Variants in PLCG2 observed in about 807,000 individuals in gnomAD.
PLCG2 encodes phospholipase C gamma 2.
Under a neutral mutation model 175.6 loss-of-function variants are expected in PLCG2, and 69 were observed. That is an observed-to-expected ratio of 0.39 (90% CI 0.32 to 0.48). The LOEUF (loss-of-function observed/expected upper bound fraction) is 0.48, where lower values mean the gene tolerates loss of function less well. Among genes scored for constraint, PLCG2 ranks in the 20% least tolerant of loss-of-function variants. The probability of loss-of-function intolerance (pLI) is 0.91; values close to 1 mark genes in which losing one functional copy is unlikely to be tolerated. For missense variants in PLCG2, 1,798 were observed against 1,650.9 expected (o/e 1.09, Z -1.54); for synonymous variants, 827 against 624.0 (o/e 1.33, Z -4.85).
chr16:81,817,472 C>T (rs186014645), intron 2 of PLCG2, among the ~76,000 whole-genome samples: 5 of 152,286 alleles, frequency 3.3e-5, no homozygotes, highest in African/African-American at 4.8e-5. Flanking sequence ...AGGGGTGCTG[C>T]GCAAGGCACT....
chr16:81,855,346 C>G (rs763557406), intron 3 of PLCG2, among the ~76,000 whole-genome samples: 17 of 152,128 alleles, frequency 1.1e-4, no homozygotes, highest in Non-Finnish European at 2.2e-4. Flanking sequence ...GGGGCAGAAG[C>G]TTGTATCTAC....
intron 30 of PLCG2, among the ~76,000 whole-genome samples, chr16:81,943,999 C>T (rs940756750): frequency 6.6e-6 from 1 of 152,068 alleles, no homozygotes; most frequent in Non-Finnish European, 1.5e-5. Flanking sequence ...CAAAAGAGGA[C>T]AAATTTAGCC....
Position 81,900,678 on chromosome 16 carries a change from C to A in PLCG2, c.1260C>A (p.Ala420=). The A allele has an allele frequency of 6.2e-7, 1 of 1,613,268 alleles. No homozygotes were observed. Among genetic ancestry groups the A allele is most frequent in the South Asian group, 1.1e-5 (1 of 91,068 alleles). ...AGCAACAGCGTCACATGGCCAAGGC[C>A]TTCAAGGAAGTATTTGGCGACCTGC... is the stretch of plus-strand genomic sequence containing the variant. ...SVEQQRHMAK[A]FKEVFGDLLL... Residue 420 remains alanine, a synonymous_variant, in exon 14 of 33, where the codon GCC becomes GCA. Coordinates refer to ENST00000564138, the MANE Select transcript of PLCG2 (RefSeq NM_002661.5).
intron 29 of PLCG2, among the ~76,000 whole-genome samples, chr16:81,939,256 C>A (rs912887242): frequency 2.0e-5 from 3 of 152,136 alleles, no homozygotes; most frequent in Admixed American, 6.5e-5. Context: ...GGGGGTGAAC[C>A]TACGTGGCTG....
rs1911642195 is a variant in PLCG2 at position 81,957,959 on chromosome 16, A to G, written c.3759A>G (p.Leu1253=). ...GGTGAAATCTGTTTTATTTCAGGTT[A>G]AGAGAGAAGAGAGTCAGCAACAGCA... The part of the protein sequence containing the change: ...QLYQEKCNKR[L]REKRVSNSKF... The change falls in exon 33 of 33, where the codon TTA becomes TTG. Residue 1253 remains leucine, a synonymous_variant. Coordinates refer to ENST00000564138, the MANE Select transcript of PLCG2 (RefSeq NM_002661.5). 6.2e-7 allele frequency: 1 copy of G among 1,613,678 alleles called. No individual in the cohort carries two copies. Among genetic ancestry groups the G allele is most frequent in the Non-Finnish European group, 8.5e-7 (1 of 1,179,572 alleles).
At chr16:81,828,466 C>G (rs1905134021) in intron 2 of PLCG2, among the ~76,000 whole-genome samples, 1 of 151,982 alleles carries the variant, frequency 6.6e-6, no homozygotes, top group Non-Finnish European at 1.5e-5. Context: ...TCTCGATCTC[C>G]TGACCTCGTG....
At chr16:81,928,833 A>C in intron 24 of PLCG2, 1 of 489,754 alleles carries the variant, frequency 2.0e-6, no homozygotes, top group South Asian at 4.3e-5. Context: ...GTAAGTGCTA[A>C]AACAAGGTCT....
At position 81,895,833 on chromosome 16, in the gene PLCG2, A is replaced by G; in HGVS notation, c.1099A>G (p.Lys367Glu). 1 of 1,614,026 alleles carries G rather than the reference A, an allele frequency of 6.2e-7. No homozygotes were observed. Among genetic ancestry groups the G allele is most frequent in the Non-Finnish European group, 8.5e-7 (1 of 1,179,988 alleles). ...GGACTGCTGGGACGGGCCCGATGGG[A>G]AGCCGGTCATCTACCATGGCTGGAC... is the stretch of plus-strand genomic sequence containing the variant. ...ELDCWDGPDG[K>E]PVIYHGWTRT... The change falls in exon 13 of 33, where the codon AAG becomes GAG. Residue 367 changes from lysine (K) to glutamate (E), a missense_variant. Coordinates refer to ENST00000564138, the MANE Select transcript of PLCG2 (RefSeq NM_002661.5).
At chr16:81,862,701 C>T (rs145025126) in intron 5 of PLCG2, among the ~76,000 whole-genome samples, 1 of 152,060 alleles carries the variant, frequency 6.6e-6, no homozygotes, top group Non-Finnish European at 1.5e-5. Flanking sequence ...GAAACCCTGT[C>T]TATACAGAAA....
At chr16:81,768,530 C>G (rs1910201266) in intron 2 of PLCG2, among the ~76,000 whole-genome samples, 1 of 150,728 alleles carries the variant, frequency 6.6e-6, no homozygotes, top group South Asian at 2.1e-4. Flanking sequence ...CACATCCTCA[C>G]CAGCACTCGG....
At chr16:81,764,637 C>G (rs1353772752) in intron 2 of PLCG2, among the ~76,000 whole-genome samples, 1 of 152,224 alleles carries the variant, frequency 6.6e-6, no homozygotes, top group Non-Finnish European at 1.5e-5. Context: ...TTTGGCAAGC[C>G]TAATTTTCTC....
intron 1 of PLCG2, among the ~76,000 whole-genome samples, chr16:81,781,028 G>GACAAACAAACAA (rs112007343): frequency 1.8e-4 from 27 of 150,852 alleles, no homozygotes; most frequent in East Asian, 1.6e-3. Flanking sequence ...TCCATCTCAA[G>GACAAACAAACAA]ACAAACAAAC....
At chr16:81,797,532 CT>C (rs1400605870) in intron 2 of PLCG2, among the ~76,000 whole-genome samples, 4 of 152,228 alleles carry the variant, frequency 2.6e-5, no homozygotes, top group African/African-American at 9.6e-5. Context: ...GCCAGGGACC[CT>C]GTCTGTTCTG....
At chr16:81,778,044 A>AAACAAACAAAC (rs1567457783), upstream of PLCG2, among the ~76,000 whole-genome samples, 32 of 83,778 alleles carry the variant, frequency 3.8e-4, no homozygotes, top group African/African-American at 1.1e-3. Flanking sequence ...AAAAAAAAAC[A>AAACAAACAAAC]AAAAAAAAAA....
chr16:81,890,382 G>A (rs1908574164), intron 10 of PLCG2, among the ~76,000 whole-genome samples: 1 of 152,184 alleles, frequency 6.6e-6, no homozygotes, highest in East Asian at 1.9e-4. Context: ...AATAATTAAG[G>A]GCAGTTTGGA....
At chr16:81,854,402 G>T in intron 2 of PLCG2, 42 bp from the exon 3 acceptor site, 2 of 1,597,426 alleles carry the variant, frequency 1.3e-6, no homozygotes, top group Non-Finnish European at 1.7e-6. Flanking sequence ...TCAGGTGGAG[G>T]GAACTCCAGC....
chr16:81,846,259 G>A (rs1906110559), intron 2 of PLCG2, among the ~76,000 whole-genome samples: 1 of 152,108 alleles, frequency 6.6e-6, no homozygotes, highest in Admixed American at 6.5e-5. Flanking sequence ...CTTCCTTCAG[G>A]AGGACCTACT....
At chr16:81,875,793 G>A (rs9921809) in intron 7 of PLCG2, among the ~76,000 whole-genome samples, 2 of 152,130 alleles carry the variant, frequency 1.3e-5, no homozygotes, top group East Asian at 1.9e-4. Context: ...GGCTGCTAAC[G>A]TATCTCTGGT....
chr16:81,949,914 G>A (rs981731057), intron 31 of PLCG2, among the ~76,000 whole-genome samples: 2 of 152,208 alleles, frequency 1.3e-5, no homozygotes, highest in African/African-American at 4.8e-5. Context: ...AAACTATACT[G>A]CAGAGGGAGA....
Sources: gnomAD v4.1 joint callset for allele counts (sites outside exome capture counted in the v4.1 genomes callset) on GRCh38, gnomAD v4.1.1 for gene constraint, MANE v1.5 for transcripts, NCBI Gene and HGNC (gene_info 2026-07-23, HGNC 2026-07-21) for gene names.